Variants in SPIDR observed in about 807,000 individuals in gnomAD.
SPIDR encodes the protein scaffold protein involved in DNA repair, also known as DNA repair-scaffolding protein.
Under a neutral mutation model 104.6 loss-of-function variants are expected in SPIDR, and 93 were observed. The observed-to-expected ratio is 0.89, with a 90% CI of 0.75 to 1.06. The LOEUF (loss-of-function observed/expected upper bound fraction) is 1.06, where lower values mean the gene tolerates loss of function less well. Among genes scored for constraint, SPIDR ranks in the 50% least tolerant of loss-of-function variants. SPIDR has a pLI of 0.00. For missense variants in SPIDR, 1,154 were observed against 1,111.2 expected (o/e 1.04, Z -0.55); for synonymous variants, 431 against 416.9 (o/e 1.03, Z -0.41).
At chr8:47,562,460 G>A (rs1175955820) in intron 8 of SPIDR, among the ~76,000 whole-genome samples, 3 of 152,150 alleles carry the variant, frequency 2.0e-5, no homozygotes, top group African/African-American at 7.2e-5. Context: ...CCTGGTCTTT[G>A]TGAAAGGATT....
chr8:47,727,224 G>A lies in SPIDR; in HGVS notation c.2366G>A (p.Ser789Asn), dbSNP rs1269162554. 6.2e-7 allele frequency: 1 copy of A among 1,614,054 alleles called. No individual in the cohort carries two copies. Among genetic ancestry groups the A allele is most frequent in the African/African-American group, 1.3e-5 (1 of 74,924 alleles). ...GGCACTGTGGTTGGCGTGGACGAGAGCACTGCTTTCTCATGGCCTGTGTGT... is the reference window on the plus strand; with the variant it reads ...GGCACTGTGGTTGGCGTGGACGAGAACACTGCTTTCTCATGGCCTGTGTGT... ...VQGTVVGVDE[S>N]TAFSWPVCDM... Residue 789 changes from serine to asparagine, a missense_variant, in exon 17 of 20, where the codon AGC (serine) becomes AAC (asparagine). Coordinates refer to ENST00000297423, the MANE Select transcript of SPIDR (RefSeq NM_001080394.4).
chr8:47,671,955 T>TC (rs1270239146), intron 10 of SPIDR, among the ~76,000 whole-genome samples: 1 of 152,082 alleles, frequency 6.6e-6, no homozygotes, highest in Non-Finnish European at 1.5e-5. Context: ...TTGGTCTTTT[T>TC]CCCCCCTTTG....
At chr8:47,328,472 A>C (rs1198289566) in intron 5 of SPIDR, among the ~76,000 whole-genome samples, 2 of 150,636 alleles carry the variant, frequency 1.3e-5, no homozygotes, top group Non-Finnish European at 3.0e-5. Flanking sequence ...GGTTGTTCTC[A>C]AACTCCTGGC....
chr8:47,314,435 G>A (rs2044864566), intron 5 of SPIDR, among the ~76,000 whole-genome samples: 1 of 152,192 alleles, frequency 6.6e-6, no homozygotes, highest in South Asian at 2.1e-4. Context: ...AATTTATGAA[G>A]GAAAGAGGTT....
intron 7 of SPIDR, among the ~76,000 whole-genome samples, chr8:47,418,946 C>A (rs1338051167): frequency 2.0e-5 from 3 of 152,140 alleles, no homozygotes; most frequent in African/African-American, 7.2e-5. Context: ...GTTGAACCAG[C>A]CTTGCATCCC....
At chr8:47,293,834 A>G (rs946745590) in intron 4 of SPIDR, 33 bp from the exon 5 acceptor site, 3 of 1,569,928 alleles carry the variant, frequency 1.9e-6, no homozygotes, top group African/African-American at 1.4e-5. Flanking sequence ...GATTAAGGAG[A>G]TAATTAAGCA....
At chr8:47,691,937 T>C (rs995346547) in intron 11 of SPIDR, among the ~76,000 whole-genome samples, 2 of 152,232 alleles carry the variant, frequency 1.3e-5, no homozygotes, top group Non-Finnish European at 2.9e-5. Flanking sequence ...CCAGTGAAGA[T>C]AGCAGCACTA....
At chr8:47,592,470 G>T (rs1285008270) in intron 8 of SPIDR, 1 of 1,429,796 alleles carries the variant, frequency 7.0e-7, no homozygotes, top group Non-Finnish European at 9.9e-7. Context: ...CCTCAAAGGG[G>T]GAAGGAATCC....
intron 8 of SPIDR, among the ~76,000 whole-genome samples, chr8:47,509,833 G>A (rs562068534): frequency 6.6e-6 from 1 of 152,052 alleles, no homozygotes; most frequent in Admixed American, 6.6e-5. Context: ...ACGTGGATGT[G>A]TGCATGCGTA....
chr8:47,485,863 C>T (rs906283267), intron 8 of SPIDR, among the ~76,000 whole-genome samples: 4 of 152,142 alleles, frequency 2.6e-5, no homozygotes, highest in Non-Finnish European at 5.9e-5. Flanking sequence ...TCATCATCAT[C>T]AAAGACCAAA....
intron 8 of SPIDR, among the ~76,000 whole-genome samples, chr8:47,529,413 C>CA (rs979810802): frequency 9.9e-5 from 15 of 151,482 alleles, no homozygotes; most frequent in Non-Finnish European, 2.1e-4. Context: ...GACTCCATCT[C>CA]AAAAAATAAA....
chr8:47,720,140 C>CTAAG (rs2083190270), intron 16 of SPIDR, among the ~76,000 whole-genome samples: 1 of 152,164 alleles, frequency 6.6e-6, no homozygotes, highest in Non-Finnish European at 1.5e-5. Flanking sequence ...AGCTTATTTC[C>CTAAG]GTTAGCAATA....
intron 8 of SPIDR, among the ~76,000 whole-genome samples, chr8:47,528,882 G>C (rs1423765595): frequency 6.6e-6 from 1 of 152,074 alleles, no homozygotes; most frequent in African/African-American, 2.4e-5. Flanking sequence ...GTCAAAAAAA[G>C]AATTTTTCCA....
intron 8 of SPIDR, among the ~76,000 whole-genome samples, chr8:47,576,817 C>T (rs1037577786): frequency 1.3e-5 from 2 of 152,114 alleles, no homozygotes; most frequent in Admixed American, 6.5e-5. Context: ...ATATAAATAT[C>T]GTTATACCTG....
At chr8:47,461,880 G>A (rs75830192) in intron 8 of SPIDR, among the ~76,000 whole-genome samples, 4,580 of 151,056 alleles carry the variant, frequency 0.03, 129 homozygotes, top group Admixed American at 0.083. Context: ...TCCTTGATTC[G>A]CATAATAATT....
In SPIDR at chr8:47,279,880, A is replaced by G; in HGVS notation, c.52A>G (p.Thr18Ala). ...TCCACAGAGAAAAAGGAGTTGGAAT[A>G]CAGAATGCCCATCCTTTCCAGGAGA... is the stretch of plus-strand genomic sequence containing the variant. ...RGSKRKRSWN[T>A]ECPSFPGERP... The change falls in exon 2 of 20, where the codon ACA becomes GCA. Residue 18 changes from threonine to alanine, a missense_variant. Transcript: ENST00000297423. 6.2e-7 allele frequency: 1 copy of G among 1,612,408 alleles called. No homozygotes were observed. Among genetic ancestry groups the G allele is most frequent in the South Asian group, 1.1e-5 (1 of 90,906 alleles).
chr8:47,535,506 TAAC>T (rs1007449315), intron 8 of SPIDR, among the ~76,000 whole-genome samples: 5 of 152,286 alleles, frequency 3.3e-5, no homozygotes, highest in East Asian at 3.9e-4. Context: ...CATAAATAGT[TAAC>T]AACATGTTGA....
chr8:47,412,667 A>C (rs2063706578), intron 7 of SPIDR, among the ~76,000 whole-genome samples: 1 of 152,244 alleles, frequency 6.6e-6, no homozygotes, highest in African/African-American at 2.4e-5. Context: ...AAAAATCAGC[A>C]GGAACTATTT....
At chr8:47,500,703 G>A (rs1334923454) in intron 8 of SPIDR, among the ~76,000 whole-genome samples, 1 of 152,044 alleles carries the variant, frequency 6.6e-6, no homozygotes, top group Non-Finnish European at 1.5e-5. Context: ...TGGTTTAGAT[G>A]TGAAGTCCTT....
Sources: allele counts gnomAD v4.1 joint callset (sites outside exome capture counted in the v4.1 genomes callset), GRCh38; gene constraint gnomAD v4.1.1; transcripts MANE v1.5; gene names NCBI Gene and HGNC (gene_info 2026-07-23, HGNC 2026-07-21).